The following FBLN5 variants were observed in gnomAD, a reference collection of about 807,000 sequenced individuals.
FBLN5 encodes fibulin-5.
A neutral mutation model predicts 61.6 loss-of-function variants in FBLN5; 24 were observed. The observed-to-expected ratio is 0.39, with a 90% CI of 0.28 to 0.55. The LOEUF is 0.55. FBLN5 is among the 20% of genes least tolerant of loss of function. FBLN5 has a pLI of 0.65. For synonymous variants in FBLN5, 213 were observed against 219.8 expected, an observed-to-expected ratio of 0.97 and a Z score of 0.27; for missense variants, 470 against 594.1, an observed-to-expected ratio of 0.79 and a Z score of 2.17.
At position 91,922,221 on chromosome 14, in the gene FBLN5, A is replaced by T. The variant is rs1026296686; in HGVS notation, c.379+14726T>A. ...GGCATGAGAATCGCTTGAACCCAGG[A>T]GGCGGAAATTGCAGTGAGCCGAGAT... On this transcript the variant is annotated intron_variant, in intron 4 of 10. Transcript: ENST00000342058. Among the ~76,000 whole-genome samples the T allele has an allele frequency of 3.9e-5, 6 of 151,998 alleles. No homozygotes were observed. The East Asian group carries it at 1.2e-3, about 29-fold the overall frequency.
intron 9 of FBLN5, among the ~76,000 whole-genome samples, chr14:91,878,821 G>A (rs1306731062): frequency 3.9e-5 from 6 of 152,104 alleles, no homozygotes; most frequent in Admixed American, 1.3e-4. Flanking sequence ...CATTCATTCT[G>A]AGCAGAGTAT....
intron 4 of FBLN5, among the ~76,000 whole-genome samples, chr14:91,928,890 C>T (rs930650185): frequency 1.3e-5 from 2 of 151,382 alleles, no homozygotes; most frequent in African/African-American, 4.9e-5. Context: ...AACCCCATCT[C>T]TACTAAAAAT....
chr14:91,911,075 C>T (rs545744862), intron 4 of FBLN5, among the ~76,000 whole-genome samples: 29 of 152,240 alleles, frequency 1.9e-4, no homozygotes, highest in Non-Finnish European at 2.5e-4. Context: ...CCTCCACCTC[C>T]TGGGTTCAAG....
rs58237207 is a variant in FBLN5 at position 91,940,728 on chromosome 14, T to C, written c.73-112A>G. 5.5e-4 allele frequency: 439 copies of C among 804,862 alleles called. 1 individual carries two copies. In the African/African-American group the frequency reaches 7.0e-3, roughly 13 times the overall value. 49.9% of individuals were successfully genotyped at this position (804,862 alleles called of 1,614,324 possible). ...GAGCAAAAAAGAAAGGCCTCCAAAA[T>C]ACCAATACCTGTATTATAACCCCTA... On this transcript the variant is annotated intron_variant, in intron 2 of 10. Coordinates refer to ENST00000342058, the MANE Select transcript of FBLN5 (RefSeq NM_006329.4).
chr14:91,922,199 A>G (rs529269634), intron 4 of FBLN5, among the ~76,000 whole-genome samples: 1 of 152,042 alleles, frequency 6.6e-6, no homozygotes, highest in Non-Finnish European at 1.5e-5. Context: ...AGGCTGAGGC[A>G]TGAGAATCGC....
rs1466440043 is a variant in FBLN5 at position 91,947,178 on chromosome 14, C to T, written c.17+35G>A. 15 of 1,613,906 alleles carry T rather than the reference C, an allele frequency of 9.3e-6. No individual in the cohort carries two copies. The Admixed American group carries it at 2.5e-4, about 27-fold the overall frequency. On this transcript the variant is annotated intron_variant, in intron 1 of 10. Coordinates refer to ENST00000342058, the MANE Select transcript of FBLN5 (RefSeq NM_006329.4). The surrounding 1 kb of genome is among the most constrained non-coding windows in gnomAD (Gnocchi z 4.3). Reference sequence around the variant, plus strand: ...CGGATTTTTAGCAAGGCTTCCAGACCCTGGAGAAAGAAAAGTCCAGCGCCG... The same window carrying T: ...CGGATTTTTAGCAAGGCTTCCAGACTCTGGAGAAAGAAAAGTCCAGCGCCG...
rs575744608 is a variant in FBLN5, at chr14:91,895,459, T to C, written c.380-387A>G. 2.0e-5 allele frequency among the ~76,000 whole-genome samples: 3 copies of C among 152,300 alleles called. No homozygotes were observed. The East Asian group carries it at 5.8e-4, about 29-fold the overall frequency. ...AGGGGTCTGCTGCGTACCTACTGTG[T>C]GCACAGGACTATGATAAACACCACT... On this transcript the variant is annotated intron_variant, in intron 4 of 10. Coordinates refer to ENST00000342058, the MANE Select transcript of FBLN5 (RefSeq NM_006329.4).
intron 4 of FBLN5, among the ~76,000 whole-genome samples, chr14:91,915,686 CAAA>C (rs34675184): frequency 2.3e-5 from 1 of 43,740 alleles, no homozygotes; most frequent in African/African-American, 8.6e-5. Context: ...GACTCCATCT[CAAA>C]AAAAAAAAAA....
At chr14:91,909,735 G>T (rs918408114) in intron 4 of FBLN5, among the ~76,000 whole-genome samples, 25 of 152,148 alleles carry the variant, frequency 1.6e-4, no homozygotes, top group African/African-American at 6.0e-4. Flanking sequence ...GGACCTCTCA[G>T]CCTCCAGAAC....
At chr14:91,887,776 C>T (rs1327459855) in intron 6 of FBLN5, among the ~76,000 whole-genome samples, 1 of 151,994 alleles carries the variant, frequency 6.6e-6, no homozygotes, top group African/African-American at 2.4e-5. Context: ...TAACTTTGCT[C>T]ATTAGGGAAG....
chr14:91,911,863 C>T (rs1890959164), intron 4 of FBLN5, among the ~76,000 whole-genome samples: 1 of 151,106 alleles, frequency 6.6e-6, no homozygotes, highest in Admixed American at 6.6e-5. Context: ...AAAATGAGGG[C>T]ATGACCTTGT....
intron 4 of FBLN5, among the ~76,000 whole-genome samples, chr14:91,906,157 GATTATAGGC>G (rs1277829202): frequency 2.0e-5 from 3 of 152,210 alleles, no homozygotes; most frequent in Non-Finnish European, 4.4e-5. Context: ...AAAGTGCTGG[GATTATAGGC>G]ATGACCATGC....
chr14:91,890,892 G>C (rs1889963029), intron 6 of FBLN5, among the ~76,000 whole-genome samples: 2 of 152,286 alleles, frequency 1.3e-5, no homozygotes, highest in South Asian at 4.1e-4. Context: ...TACAGGACAT[G>C]CAACCAAATT....
chr14:91,882,631 A>C lies in FBLN5; in HGVS notation c.862+323T>G, dbSNP rs2430349. 9.9e-5 allele frequency among the ~76,000 whole-genome samples: 15 copies of C among 152,126 alleles called. No homozygotes were observed. Among genetic ancestry groups the C allele is most frequent in the Non-Finnish European group, 1.9e-4 (13 of 68,022 alleles). ...TAAAAGTCCTGCTTAGCTCTGGAGC[A>C]GTTCTCAGAGGAGCCTCAGAGATCT... is the stretch of plus-strand genomic sequence containing the variant. On this transcript the variant is annotated intron_variant, in intron 8 of 10. Transcript: ENST00000342058. This position sits in a 1 kb window ranked among gnomAD's most constrained non-coding sequence, Gnocchi z 4.9.
intron 10 of FBLN5, 87 bp from the exon 11 acceptor site, chr14:91,870,472 G>C: frequency 7.5e-7 from 1 of 1,340,858 alleles, no homozygotes. Context: ...GCCTCCGTCA[G>C]TCAAACTGGC....
intron 4 of FBLN5, among the ~76,000 whole-genome samples, chr14:91,896,697 C>T (rs1440968521): frequency 6.6e-6 from 1 of 152,134 alleles, no homozygotes; most frequent in Non-Finnish European, 1.5e-5. Context: ...AGAGGTCATG[C>T]CACCCAGGAC....
At position 91,882,972 on chromosome 14, in the gene FBLN5, C is replaced by A; in HGVS notation, c.844G>T (p.Asp282Tyr). 6.2e-7 allele frequency: 1 copy of A among 1,614,036 alleles called. No individual in the cohort carries two copies. Among genetic ancestry groups the A allele is most frequent in the South Asian group, 1.1e-5 (1 of 91,042 alleles). The change falls in exon 8 of 11, where the codon GAC becomes TAC. Residue 282 changes from aspartate (D) to tyrosine (Y), a missense_variant. Asp to Tyr is a radical substitution (Grantham distance 160). Coordinates refer to ENST00000342058, the MANE Select transcript of FBLN5 (RefSeq NM_006329.4). The surrounding 1 kb of genome is among the most constrained non-coding windows in gnomAD (Gnocchi z 4.9). ...SCPPGYILLD[D>Y]NRSCQDINEC... Reference sequence around the variant, plus strand: ...GCCTTACCTTGGCAGCTTCGGTTGTCATCCAGCAGGATGTAGCCTGGAGGG... The same window carrying A: ...GCCTTACCTTGGCAGCTTCGGTTGTAATCCAGCAGGATGTAGCCTGGAGGG...
At chr14:91,881,269 C>T in intron 9 of FBLN5, 23 bp downstream of exon 9, 2 of 1,613,768 alleles carry the variant, frequency 1.2e-6, no homozygotes, top group Non-Finnish European at 1.7e-6. Context: ...GTTTCTATTC[C>T]CCAGGGGGAC....
intron 10 of FBLN5, among the ~76,000 whole-genome samples, chr14:91,875,047 C>T (rs1889105960): frequency 6.6e-6 from 1 of 152,144 alleles, no homozygotes. Context: ...CCAGGCTGGA[C>T]TTGAACTCCC....
Sources: gnomAD v4.1 joint callset for allele counts (sites outside exome capture counted in the v4.1 genomes callset) on GRCh38, gnomAD v4.1.1 for gene constraint, Gnocchi (gnomAD v3.1) non-coding constraint, MANE v1.5 for transcripts, NCBI Gene and HGNC (gene_info 2026-07-23, HGNC 2026-07-21) for gene names.